Variants in PDCL2 observed in about 807,000 individuals in gnomAD.
PDCL2 encodes phosducin-like protein 2.
A neutral mutation model predicts 30.3 loss-of-function variants in PDCL2; 23 were observed. The ratio of observed to expected loss-of-function variants is 0.76; its 90% CI spans 0.55 to 1.08. The LOEUF (loss-of-function observed/expected upper bound fraction) is 1.08. Among genes scored for constraint, PDCL2 ranks in the 50% least tolerant of loss-of-function variants. The pLI is 0.00. For synonymous variants in PDCL2, 68 were observed against 86.2 expected, an observed-to-expected ratio of 0.79 and a Z score of 1.17; for missense variants, 243 against 282.3, an observed-to-expected ratio of 0.86 and a Z score of 1.00.
chr4:55,575,822 C>T (rs572521449), intron 3 of PDCL2, among the ~76,000 whole-genome samples: 2 of 152,104 alleles, frequency 1.3e-5, no homozygotes, highest in East Asian at 1.9e-4. Context: ...CGATATTTGG[C>T]AAAACTATGC....
chr4:55,578,534 G>A (rs1219420558), intron 3 of PDCL2, among the ~76,000 whole-genome samples: 3 of 151,932 alleles, frequency 2.0e-5, no homozygotes, highest in Non-Finnish European at 4.4e-5. Flanking sequence ...TGATTAGGTA[G>A]AGATGTATTT....
intron 3 of PDCL2, among the ~76,000 whole-genome samples, chr4:55,577,469 G>A (rs973321282): frequency 3.9e-5 from 6 of 152,198 alleles, no homozygotes; most frequent in Non-Finnish European, 4.4e-5. Flanking sequence ...CCAGAGAGCA[G>A]GGAATAGTGT....
chr4:55,557,277 G>A (rs1051329627), intron 5 of PDCL2, among the ~76,000 whole-genome samples: 1 of 152,198 alleles, frequency 6.6e-6, no homozygotes, highest in African/African-American at 2.4e-5. Flanking sequence ...GAATACCTGT[G>A]ACTTGAGTAA....
chr4:55,566,291 A>G (rs13142096), intron 4 of PDCL2, among the ~76,000 whole-genome samples: 36,480 of 150,798 alleles, frequency 0.24, 5,638 homozygotes, highest in East Asian at 0.58. Flanking sequence ...CAGTAAATCC[A>G]CTGTTAAAAA....
At chr4:55,576,555 C>A (rs546790147) in intron 3 of PDCL2, among the ~76,000 whole-genome samples, 1 of 152,142 alleles carries the variant, frequency 6.6e-6, no homozygotes, top group African/African-American at 2.4e-5. Flanking sequence ...ATGCTATTGA[C>A]TCTAAGTTGG....
chr4:55,583,657 C>T (rs906182925), intron 1 of PDCL2, among the ~76,000 whole-genome samples: 1 of 152,112 alleles, frequency 6.6e-6, no homozygotes, highest in Admixed American at 6.6e-5. Flanking sequence ...TTCCCAACAC[C>T]CATTATTGAA....
chr4:55,560,191 G>GC (rs1491142057), intron 5 of PDCL2, among the ~76,000 whole-genome samples: 1 of 43,226 alleles, frequency 2.3e-5, no homozygotes, highest in Admixed American at 1.7e-4. Context: ...AAAAAAAAAG[G>GC]GGGGGGGGAC....
intron 5 of PDCL2, among the ~76,000 whole-genome samples, chr4:55,557,057 C>T (rs1221250721): frequency 1.3e-5 from 2 of 152,068 alleles, no homozygotes; most frequent in African/African-American, 2.4e-5. Flanking sequence ...AGGCTGGTCT[C>T]GAACTCCTGA....
chr4:55,565,867 A>G (rs1452308218), intron 4 of PDCL2, among the ~76,000 whole-genome samples: 2 of 151,030 alleles, frequency 1.3e-5, no homozygotes, highest in East Asian at 1.9e-4. Flanking sequence ...TTGACTCTAT[A>G]TGGGCAGCAG....
chr4:55,590,569 C>T (rs984858875), intron 1 of PDCL2, among the ~76,000 whole-genome samples: 1 of 151,918 alleles, frequency 6.6e-6, no homozygotes, highest in African/African-American at 2.4e-5. Context: ...TCACTGCATC[C>T]TCCGCCTCCT....
chr4:55,565,936 T>C (rs1456710785), intron 4 of PDCL2, among the ~76,000 whole-genome samples: 1 of 150,074 alleles, frequency 6.7e-6, no homozygotes, highest in African/African-American at 2.5e-5. Flanking sequence ...CCTTCAACTT[T>C]ACAATATTAA....
chr4:55,585,275 C>T (rs1045094872), intron 1 of PDCL2, among the ~76,000 whole-genome samples: 3 of 152,060 alleles, frequency 2.0e-5, no homozygotes, highest in Non-Finnish European at 2.9e-5. Context: ...TGCCTATAAT[C>T]CCAGGACTTT....
chr4:55,568,185 G>A (rs1018821857), intron 4 of PDCL2, among the ~76,000 whole-genome samples: 1 of 152,176 alleles, frequency 6.6e-6, no homozygotes, highest in Non-Finnish European at 1.5e-5. Flanking sequence ...GACAGTGAAG[G>A]TTGCTGTCAT....
At chr4:55,590,924 C>T (rs28713343) in intron 1 of PDCL2, among the ~76,000 whole-genome samples, 65,620 of 151,968 alleles carry the variant, frequency 0.43, 15,775 homozygotes, top group African/African-American at 0.64. Context: ...AGAACAGGTC[C>T]GTATCTAAAA....
intron 3 of PDCL2, among the ~76,000 whole-genome samples, chr4:55,579,387 T>C (rs1356048815): frequency 6.6e-6 from 1 of 152,182 alleles, no homozygotes; most frequent in Non-Finnish European, 1.5e-5. Flanking sequence ...TGGAGTGCAA[T>C]GGCACGATCT....
intron 4 of PDCL2, among the ~76,000 whole-genome samples, chr4:55,567,042 A>G (rs1334431977): frequency 1.3e-5 from 2 of 152,230 alleles, no homozygotes; most frequent in African/African-American, 4.8e-5. Flanking sequence ...ACTTCAGTAT[A>G]TAATATTTAC....
intron 1 of PDCL2, among the ~76,000 whole-genome samples, chr4:55,589,241 C>T (rs915972347): frequency 3.3e-5 from 5 of 152,172 alleles, no homozygotes; most frequent in African/African-American, 1.2e-4. Flanking sequence ...TTCATGGTCT[C>T]ATGGTGGCTT....
chr4:55,571,001 C>T (rs1194818839), intron 3 of PDCL2, among the ~76,000 whole-genome samples: 1 of 152,182 alleles, frequency 6.6e-6, no homozygotes, highest in African/African-American at 2.4e-5. Flanking sequence ...ACTGTTCAAA[C>T]GCAAATCAAT....
intron 1 of PDCL2, among the ~76,000 whole-genome samples, chr4:55,590,192 G>A (rs1378137621): frequency 6.0e-5 from 2 of 33,158 alleles, no homozygotes; most frequent in Non-Finnish European, 5.6e-5. Context: ...GCTAGGCTCT[G>A]TCTCAAAAAA....
Sources: allele counts gnomAD v4.1 joint callset (sites outside exome capture counted in the v4.1 genomes callset), GRCh38; gene constraint gnomAD v4.1.1; transcripts MANE v1.5; gene names NCBI Gene and HGNC (gene_info 2026-07-23, HGNC 2026-07-21).